TENM4: variants seen among roughly 807,000 people sequenced by gnomAD.
The protein encoded by TENM4 is teneurin transmembrane protein 4.
TENM4 carries 82 observed loss-of-function variants against 243.3 expected under a neutral mutation model. The ratio of observed to expected loss-of-function variants is 0.34; its 90% CI spans 0.28 to 0.40. TENM4 has a LOEUF of 0.40. Ranked by LOEUF, TENM4 falls within the 10% of genes least tolerant of loss-of-function variation. The pLI, the probability that TENM4 is intolerant of heterozygous loss-of-function variation, is 1.00. For missense variants in TENM4, 3,138 were observed against 3,673.3 expected, an observed-to-expected ratio of 0.85 and a Z score of 3.77; for synonymous variants, 1,412 against 1,456.3, an observed-to-expected ratio of 0.97 and a Z score of 0.69.
rs1169194499 is a variant in TENM4, at chr11:78,670,371, A to T, written c.5974T>A (p.Phe1992Ile). The change falls in exon 32 of 34, where the codon TTC becomes ATC. Residue 1992 changes from phenylalanine (F) to isoleucine (I), a missense_variant. Coordinates refer to ENST00000278550, the MANE Select transcript of TENM4 (RefSeq NM_001098816.3). The part of the protein sequence containing the change: ...PEGNASVIQD[F>I]TEDGHLLHTF... ...TGAAGGAGGTGCCCATCCTCAGTGAAGTCCTGTATGACTGAGGCATTGCCC... is the reference window on the plus strand; with the variant it reads ...TGAAGGAGGTGCCCATCCTCAGTGATGTCCTGTATGACTGAGGCATTGCCC... The T allele has an allele frequency of 6.2e-7, 1 of 1,613,814 alleles. No homozygotes were observed. Among genetic ancestry groups the T allele is most frequent in the Non-Finnish European group, 8.5e-7 (1 of 1,179,884 alleles).
intron 14 of TENM4, among the ~76,000 whole-genome samples, chr11:78,807,208 T>C (rs189028238): frequency 4.6e-5 from 7 of 152,356 alleles, no homozygotes; most frequent in African/African-American, 1.4e-4. Flanking sequence ...TTTGAGTATA[T>C]GTCCAGAAAA....
chr11:79,280,761 A>C (rs1856143595), intron 2 of TENM4, among the ~76,000 whole-genome samples: 1 of 152,138 alleles, frequency 6.6e-6, no homozygotes, highest in African/African-American at 2.4e-5. Context: ...TAAACTCCCC[A>C]GTGCGAAAGA....
At chr11:79,079,831 CAAAAAA>C (rs34296723) in intron 4 of TENM4, among the ~76,000 whole-genome samples, 1 of 114,648 alleles carries the variant, frequency 8.7e-6, no homozygotes, top group Non-Finnish European at 1.8e-5. Flanking sequence ...CACTTTGTTT[CAAAAAA>C]AAAAAAAAAA....
At chr11:79,412,405 T>A (rs1858720303) in intron 1 of TENM4, among the ~76,000 whole-genome samples, 1 of 152,096 alleles carries the variant, frequency 6.6e-6, no homozygotes, top group Non-Finnish European at 1.5e-5. Flanking sequence ...AGTTACCAAG[T>A]GATTTCCCTG....
At chr11:79,121,300 G>A (rs916945217) in intron 4 of TENM4, among the ~76,000 whole-genome samples, 2 of 152,100 alleles carry the variant, frequency 1.3e-5, no homozygotes, top group Non-Finnish European at 2.9e-5. Context: ...AATAATCTGG[G>A]CTTGAGGACA....
chr11:79,358,926 A>G (rs1286119899), intron 1 of TENM4, among the ~76,000 whole-genome samples: 1 of 149,868 alleles, frequency 6.7e-6, no homozygotes, highest in East Asian at 1.9e-4. Flanking sequence ...ATATTTTTGC[A>G]AACTTTTTTT....
chr11:79,258,715 G>C (rs779977415), intron 2 of TENM4, among the ~76,000 whole-genome samples: 3 of 152,202 alleles, frequency 2.0e-5, no homozygotes, highest in Non-Finnish European at 2.9e-5. Context: ...ACAGAGCCAG[G>C]GGCTTAAGCG....
intron 7 of TENM4, among the ~76,000 whole-genome samples, chr11:78,901,037 T>C (rs1011350279): frequency 4.6e-5 from 7 of 152,106 alleles, no homozygotes; most frequent in Non-Finnish European, 1.0e-4. Flanking sequence ...TAGGACTGGA[T>C]AGACCACGAA....
chr11:79,400,285 T>C (rs142518658), intron 1 of TENM4, among the ~76,000 whole-genome samples: 1 of 151,898 alleles, frequency 6.6e-6, no homozygotes, highest in Non-Finnish European at 1.5e-5. Context: ...TGCAACTTTC[T>C]GCTCCATGGT....
In TENM4 at chr11:79,181,504, A is replaced by G. The variant is rs550757001; in HGVS notation, c.-162-32698T>C. On this transcript the variant is annotated intron_variant, in intron 3 of 33. Transcript: ENST00000278550. ...AATACATTTAATGGAGAGAAATTCA[A>G]AGCTTTTCTGCTAAAAATCAGGAAG... Among the ~76,000 whole-genome samples the G allele has an allele frequency of 6.0e-4, 92 of 152,244 alleles. 1 individual carries two copies. The highest frequency in any genetic ancestry group is 2.1e-3 in the African/African-American group (86 of 41,558).
At chr11:78,946,852 A>T (rs1161565191) in intron 6 of TENM4, among the ~76,000 whole-genome samples, 2 of 152,194 alleles carry the variant, frequency 1.3e-5, no homozygotes, top group African/African-American at 4.8e-5. Flanking sequence ...TCAAGATGTA[A>T]CTGAATTGCT....
chr11:78,715,246 C>T (rs778107998), intron 25 of TENM4, among the ~76,000 whole-genome samples: 3 of 152,178 alleles, frequency 2.0e-5, no homozygotes, highest in Non-Finnish European at 2.9e-5. Flanking sequence ...ACATAAAAGG[C>T]GGTGACCTTA....
At chr11:79,295,170 T>C (rs1856428712) in intron 2 of TENM4, among the ~76,000 whole-genome samples, 1 of 152,184 alleles carries the variant, frequency 6.6e-6, no homozygotes, top group Admixed American at 6.5e-5. Flanking sequence ...TTTAGGCGAA[T>C]GAACATTCTT....
chr11:78,932,936 C>T (rs1249312443), intron 6 of TENM4, among the ~76,000 whole-genome samples: 3 of 152,176 alleles, frequency 2.0e-5, no homozygotes, highest in Admixed American at 2.0e-4. Context: ...CGGTCCGGTA[C>T]AGGTTCGCGG....
chr11:78,897,756 G>A (rs1048451672), intron 7 of TENM4, among the ~76,000 whole-genome samples: 4 of 152,338 alleles, frequency 2.6e-5, no homozygotes, highest in Middle Eastern at 3.4e-3. Context: ...TCTCTGCAAC[G>A]CTCTGGGGCT....
chr11:79,036,738 G>T (rs748625099), intron 6 of TENM4, among the ~76,000 whole-genome samples: 3 of 152,232 alleles, frequency 2.0e-5, no homozygotes, highest in Non-Finnish European at 4.4e-5. Flanking sequence ...TCGGCCAGGC[G>T]CAGTGGCTCA....
intron 2 of TENM4, among the ~76,000 whole-genome samples, chr11:79,267,900 GT>G (rs1438275724): frequency 2.0e-5 from 3 of 152,184 alleles, no homozygotes; most frequent in African/African-American, 7.2e-5. Context: ...AATTGTTTGA[GT>G]TTTTGACTGT....
chr11:79,076,745 G>A (rs1860544733), intron 4 of TENM4, among the ~76,000 whole-genome samples: 1 of 152,114 alleles, frequency 6.6e-6, no homozygotes, highest in East Asian at 1.9e-4. Context: ...GGTGATCAGG[G>A]GATCACTGAA....
At chr11:78,923,334 G>A (rs942246134) in intron 6 of TENM4, among the ~76,000 whole-genome samples, 2 of 152,084 alleles carry the variant, frequency 1.3e-5, no homozygotes, top group Admixed American at 1.3e-4. Context: ...TTGCTCTCCA[G>A]CTTCCATTCT....
Sources: gnomAD v4.1 joint callset for allele counts (sites outside exome capture counted in the v4.1 genomes callset) on GRCh38, gnomAD v4.1.1 for gene constraint, MANE v1.5 for transcripts, NCBI Gene and HGNC (gene_info 2026-07-23, HGNC 2026-07-21) for gene names.